Variants in NID2 observed in about 807,000 individuals in gnomAD.
NID2 encodes the protein nidogen 2, also known as nidogen-2.
In NID2, 83 loss-of-function variants were observed where a neutral mutation model predicts 145.4. The observed-to-expected ratio is 0.57, with a 90% CI of 0.48 to 0.69. The LOEUF (loss-of-function observed/expected upper bound fraction) is 0.69. Among genes scored for constraint, NID2 ranks in the 30% least tolerant of loss-of-function variants. The pLI is 0.00. For missense variants in NID2, 1,807 were observed against 1,765.7 expected (o/e 1.02, Z -0.42); for synonymous variants, 739 against 701.3 (o/e 1.05, Z -0.85).
In NID2 at chr14:52,005,146, A is replaced by G; in HGVS notation, c.*340T>C. The G allele has an allele frequency of 4.9e-6, 1 of 202,692 alleles. No homozygotes were observed. Among genetic ancestry groups the G allele is most frequent in the Non-Finnish European group, 9.8e-6 (1 of 101,588 alleles). 12.6% of individuals were successfully genotyped at this position (202,692 alleles called of 1,614,324 possible). A position where few individuals can be genotyped will look rare whatever the true frequency, so the allele number is the denominator to read the frequency against. On this transcript the variant is annotated 3_prime_UTR_variant, in exon 22 of 22. Transcript: ENST00000216286. ...TGGCCAGAAGGAATCCATGGCAAAA[A>G]TCAGGTTTAGAGTCTTAAACTCTAA... is the stretch of plus-strand genomic sequence containing the variant.
At chr14:52,048,484 G>T (rs1284698825) in intron 5 of NID2, among the ~76,000 whole-genome samples, 1 of 152,122 alleles carries the variant, frequency 6.6e-6, no homozygotes, top group Non-Finnish European at 1.5e-5. Flanking sequence ...AGCTAGATGA[G>T]ATGTGCAATA....
At chr14:52,030,584 A>AAG (rs1566755734) in intron 9 of NID2, among the ~76,000 whole-genome samples, 1 of 33,030 alleles carries the variant, frequency 3.0e-5, no homozygotes, top group African/African-American at 1.2e-4. Flanking sequence ...AAGGGAAAGA[A>AAG]AGAAAGAAAG....
At chr14:52,046,424 G>A (rs1484033637) in intron 5 of NID2, among the ~76,000 whole-genome samples, 1 of 151,860 alleles carries the variant, frequency 6.6e-6, no homozygotes, top group African/African-American at 2.4e-5. Flanking sequence ...TAACAGGCTT[G>A]GATTGTATCT....
intron 12 of NID2, among the ~76,000 whole-genome samples, chr14:52,025,966 G>C (rs761187986): frequency 8.5e-5 from 13 of 152,240 alleles, no homozygotes; most frequent in Non-Finnish European, 1.5e-4. Context: ...CTTTGGGTTA[G>C]TTCAGCATAA....
At chr14:52,065,610 T>C (rs1440648826) in intron 2 of NID2, among the ~76,000 whole-genome samples, 2 of 125,180 alleles carry the variant, frequency 1.6e-5, no homozygotes, top group African/African-American at 6.4e-5. Flanking sequence ...CCCACTAACG[T>C]GTCATCTAGC....
Position 52,004,859 on chromosome 14 carries a change from C to CATCTTTGGTATT in NID2, c.*615_*626dup, listed in dbSNP as rs1168843080. On this transcript the variant is annotated 3_prime_UTR_variant, in exon 22 of 22. Transcript: ENST00000216286. ...AATCTAGAAAATTTTAAAATTGTTA[C>CATCTTTGGTATT]ATCTTTGGTATTTATAAATGTGATA... 1 of 180,770 alleles carries CATCTTTGGTATT rather than the reference C, an allele frequency of 5.5e-6. No homozygotes were observed. Among genetic ancestry groups the CATCTTTGGTATT allele is most frequent in the African/African-American group, 2.4e-5 (1 of 42,500 alleles). The allele number at this position is 180,770 out of a possible 1,614,324, so 11.2% of individuals were successfully genotyped here.
intron 3 of NID2, among the ~76,000 whole-genome samples, chr14:52,059,907 G>A (rs984389038): frequency 1.3e-5 from 2 of 152,154 alleles, no homozygotes; most frequent in Non-Finnish European, 2.9e-5. Flanking sequence ...TCTGTTTCCA[G>A]TATCTATACC....
At chr14:52,006,465 T>G in intron 20 of NID2, 72 bp downstream of exon 20, 1 of 1,578,210 alleles carries the variant, frequency 6.3e-7, no homozygotes, top group Non-Finnish European at 8.6e-7. Context: ...GTACTGACTT[T>G]TGGTAAAACA....
chr14:52,006,826 G>A, intron 19 of NID2, 166 bp from the exon 20 acceptor site: 1 of 560,340 alleles, frequency 1.8e-6, no homozygotes. Context: ...CTAGTCTCCA[G>A]TTTTTAGTAG....
At chr14:52,035,671 T>C (rs1488858251) in intron 9 of NID2, among the ~76,000 whole-genome samples, 2 of 151,632 alleles carry the variant, frequency 1.3e-5, no homozygotes, top group Non-Finnish European at 2.9e-5. Context: ...TCTACTACTA[T>C]TTGCTTCCAT....
chr14:52,040,695 G>A lies in NID2; in HGVS notation c.1982C>T (p.Ala661Val), dbSNP rs1892248483. The A allele has an allele frequency of 6.2e-7, 1 of 1,614,030 alleles. No individual in the cohort carries two copies. Among genetic ancestry groups the A allele is most frequent in the Non-Finnish European group, 8.5e-7 (1 of 1,180,026 alleles). ...QVPYVSANFT[A>V]HISPYKELYH... ...CAGCTCCTTGTAGGGAGAGATGTGG[G>A]CTGTGAAATTTGCTGAGACGTAAGG... Residue 661 changes from alanine to valine, a missense_variant, in exon 8 of 22, where the codon GCC (alanine) becomes GTC (valine). Coordinates refer to ENST00000216286, the MANE Select transcript of NID2 (RefSeq NM_007361.4).
At chr14:52,049,846 C>T (rs1265510991) in intron 5 of NID2, among the ~76,000 whole-genome samples, 3 of 152,120 alleles carry the variant, frequency 2.0e-5, no homozygotes, top group Non-Finnish European at 4.4e-5. Context: ...AGGGGCCCTA[C>T]CATGGAATCT....
chr14:52,047,856 T>C (rs1892557098), intron 5 of NID2, among the ~76,000 whole-genome samples: 1 of 151,952 alleles, frequency 6.6e-6, no homozygotes, highest in South Asian at 2.1e-4. Flanking sequence ...ATGCAGTCCT[T>C]CACACGGAGA....
At chr14:52,057,455 C>A (rs111860687) in intron 3 of NID2, among the ~76,000 whole-genome samples, 4,244 of 152,206 alleles carry the variant, frequency 0.028, 81 homozygotes, top group South Asian at 0.094. Context: ...ATAATCCCTG[C>A]ACTTTGGGAG....
chr14:52,027,272 A>AC lies in NID2; in HGVS notation c.2602dup (p.Val868GlyfsTer25). 6.3e-7 allele frequency: 1 copy of AC among 1,598,190 alleles called. No homozygotes were observed. Among genetic ancestry groups the AC allele is most frequent in the Non-Finnish European group, 8.5e-7 (1 of 1,173,080 alleles). ...GCTGAACGTGCTGCCTCCATGGTGA[A>AC]CACACCGGGCCTGCCCAGCAGGAGC... On this transcript the variant is annotated frameshift_variant, in exon 12 of 22. Coordinates refer to ENST00000216286, the MANE Select transcript of NID2 (RefSeq NM_007361.4). LOFTEE classifies it high-confidence loss of function.
intron 3 of NID2, among the ~76,000 whole-genome samples, chr14:52,057,073 T>C (rs1892870311): frequency 1.3e-5 from 2 of 152,320 alleles, no homozygotes; most frequent in South Asian, 4.1e-4. Flanking sequence ...GGTCTCCCTC[T>C]GTCACCCAGG....
At chr14:52,038,721 C>T in intron 9 of NID2, 26 bp downstream of exon 9, 1 of 1,511,160 alleles carries the variant, frequency 6.6e-7, no homozygotes, top group Non-Finnish European at 8.9e-7. Context: ...GTCATTTTTA[C>T]CCAACAACAA....
intron 12 of NID2, among the ~76,000 whole-genome samples, chr14:52,023,293 A>T (rs972892469): frequency 6.6e-6 from 1 of 151,950 alleles, no homozygotes; most frequent in African/African-American, 2.4e-5. Context: ...CCTGGGCAAC[A>T]TGATGAAACC....
intron 20 of NID2, chr14:52,006,264 C>T: frequency 2.4e-6 from 1 of 424,162 alleles, no homozygotes; most frequent in Non-Finnish European, 4.3e-6. Context: ...TTAATATGCT[C>T]CCTTTTGAGA....
Sources: gnomAD v4.1 joint callset for allele counts (sites outside exome capture counted in the v4.1 genomes callset) on GRCh38, gnomAD v4.1.1 for gene constraint, MANE v1.5 for transcripts, NCBI Gene and HGNC (gene_info 2026-07-23, HGNC 2026-07-21) for gene names.